Variants in TMEM144 observed in about 807,000 individuals in gnomAD.
TMEM144 encodes transmembrane protein 144.
In TMEM144, 39 loss-of-function variants were observed where a neutral mutation model predicts 43.6. The observed-to-expected ratio is 0.90, with a 90% CI of 0.69 to 1.17. The LOEUF (loss-of-function observed/expected upper bound fraction) is 1.17. TMEM144 is among the 50% of genes most tolerant of loss of function. The pLI, the probability that TMEM144 is intolerant of heterozygous loss-of-function variation, is 0.00. For synonymous variants in TMEM144, 154 were observed against 133.6 expected (o/e 1.15, Z -1.06); for missense variants, 417 against 411.9 (o/e 1.01, Z -0.11).
chr4:158,251,168 A>G (rs1736182994), intron 12 of TMEM144, among the ~76,000 whole-genome samples: 2 of 152,204 alleles, frequency 1.3e-5, no homozygotes, highest in Admixed American at 6.5e-5. Context: ...TTGTAATCTT[A>G]GATGTATCTA....
chr4:158,216,348 GATA>G (rs1169335112), intron 4 of TMEM144, among the ~76,000 whole-genome samples: 2 of 152,210 alleles, frequency 1.3e-5, no homozygotes, highest in East Asian at 3.8e-4. Flanking sequence ...AGGAGCCAAT[GATA>G]ATGTAGAGAT....
intron 10 of TMEM144, 44 bp from the exon 11 acceptor site, chr4:158,241,465 G>A (rs1181286584): frequency 6.8e-7 from 1 of 1,470,532 alleles, no homozygotes; most frequent in Non-Finnish European, 9.5e-7. Context: ...AGTTCTTCAG[G>A]AGGGGAACAT....
chr4:158,241,680 G>A (rs1225104500), intron 11 of TMEM144, 74 bp downstream of exon 11: 3 of 1,194,064 alleles, frequency 2.5e-6, no homozygotes, highest in Non-Finnish European at 3.7e-6. Context: ...CACTCTTAGG[G>A]CATCGCTAAA....
chr4:158,242,634 T>G (rs1449902816), intron 11 of TMEM144, among the ~76,000 whole-genome samples: 1 of 152,150 alleles, frequency 6.6e-6, no homozygotes, highest in Non-Finnish European at 1.5e-5. Context: ...GTATCCACTT[T>G]GTTTATTAGC....
intron 6 of TMEM144, among the ~76,000 whole-genome samples, chr4:158,222,527 T>G (rs1734557708): frequency 6.6e-6 from 1 of 152,200 alleles, no homozygotes; most frequent in Non-Finnish European, 1.5e-5. Context: ...TTCTCTCTAG[T>G]TAGACTCTTC....
chr4:158,236,304 G>C (rs1735346172), intron 8 of TMEM144, among the ~76,000 whole-genome samples: 1 of 151,994 alleles, frequency 6.6e-6, no homozygotes, highest in African/African-American at 2.4e-5. Flanking sequence ...AACAACATTT[G>C]GAAGAAATAA....
At chr4:158,229,554 A>T (rs997835631) in intron 6 of TMEM144, among the ~76,000 whole-genome samples, 1 of 152,028 alleles carries the variant, frequency 6.6e-6, no homozygotes, top group African/African-American at 2.4e-5. Context: ...CTGGGGGGAA[A>T]ACCATTTATC....
intron 3 of TMEM144, chr4:158,214,009 C>T (rs965895255): frequency 6.6e-6 from 1 of 152,108 alleles, no homozygotes; most frequent in Non-Finnish European, 1.5e-5. Flanking sequence ...TTCTTTTCAT[C>T]TCTGTGATTC....
intron 6 of TMEM144, 96 bp from the exon 7 acceptor site, chr4:158,232,805 C>T (rs529521355): frequency 4.7e-5 from 38 of 814,028 alleles, no homozygotes; most frequent in African/African-American, 4.0e-4. Context: ...CATTAGGATC[C>T]GATTATTTAA....
intron 12 of TMEM144, among the ~76,000 whole-genome samples, chr4:158,251,056 C>T (rs954025665): frequency 6.6e-6 from 1 of 152,170 alleles, no homozygotes; most frequent in Admixed American, 6.5e-5. Context: ...TTTCTTTTTC[C>T]AGAACCCTTA....
At chr4:158,218,261 T>G (rs760294211) in intron 5 of TMEM144, among the ~76,000 whole-genome samples, 3 of 152,218 alleles carry the variant, frequency 2.0e-5, no homozygotes, top group Non-Finnish European at 2.9e-5. Context: ...GCAGTGAAGA[T>G]AGAGAACAGT....
At chr4:158,236,241 A>G (rs761183298) in intron 8 of TMEM144, among the ~76,000 whole-genome samples, 1 of 152,142 alleles carries the variant, frequency 6.6e-6, no homozygotes, top group Non-Finnish European at 1.5e-5. Context: ...CACCTGACAC[A>G]TAGTAGATAC....
chr4:158,237,984 T>C (rs1735442588), intron 9 of TMEM144, among the ~76,000 whole-genome samples: 1 of 152,190 alleles, frequency 6.6e-6, no homozygotes, highest in South Asian at 2.1e-4. Context: ...TAAAGTGTAG[T>C]ACATAGTACT....
chr4:158,253,359 G>A, intron 12 of TMEM144, 85 bp from the exon 13 acceptor site: 1 of 1,177,018 alleles, frequency 8.5e-7, no homozygotes, highest in East Asian at 2.4e-5. Context: ...CAGATGGTTA[G>A]GTCCCTAGCA....
intron 6 of TMEM144, among the ~76,000 whole-genome samples, chr4:158,221,090 T>C (rs962443566): frequency 1.3e-5 from 2 of 152,192 alleles, no homozygotes; most frequent in Non-Finnish European, 2.9e-5. Context: ...CTATCCTCTG[T>C]ATAGTCTAAT....
At chr4:158,247,614 C>T (rs555839351) in intron 12 of TMEM144, among the ~76,000 whole-genome samples, 4 of 151,814 alleles carry the variant, frequency 2.6e-5, no homozygotes, top group East Asian at 1.9e-4. Context: ...CCAGTTAAAA[C>T]GAGGAAAATA....
At position 158,221,032 on chromosome 4, in the gene TMEM144, C is replaced by T. The variant is rs572998973; in HGVS notation, c.413+1642C>T. On this transcript the variant is annotated intron_variant, in intron 6 of 12. Coordinates refer to ENST00000296529, the MANE Select transcript of TMEM144 (RefSeq NM_018342.5). ...GTTTCATGCACTTGAAATAGGGTTG[C>T]ATTCGTTTAGGATATTGCTTTTCTT... 1.2e-4 allele frequency among the ~76,000 whole-genome samples: 18 copies of T among 152,214 alleles called. No individual in the cohort carries two copies. In the East Asian group the frequency reaches 3.5e-3, roughly 29 times the overall value.
chr4:158,249,737 A>G (rs938442127), intron 12 of TMEM144, among the ~76,000 whole-genome samples: 3 of 152,222 alleles, frequency 2.0e-5, no homozygotes, highest in African/African-American at 4.8e-5. Flanking sequence ...AAATTCACAA[A>G]ATATACGTGG....
At chr4:158,223,640 C>A (rs1028267408) in intron 6 of TMEM144, among the ~76,000 whole-genome samples, 2 of 152,186 alleles carry the variant, frequency 1.3e-5, no homozygotes, top group South Asian at 4.1e-4. Context: ...TTAACTCCAA[C>A]TTATGAGTGA....
Sources: allele counts gnomAD v4.1 joint callset (sites outside exome capture counted in the v4.1 genomes callset), GRCh38; gene constraint gnomAD v4.1.1; transcripts MANE v1.5; gene names NCBI Gene and HGNC (gene_info 2026-07-23, HGNC 2026-07-21).